The following CREG2 variants were observed in gnomAD, a reference collection of about 807,000 sequenced individuals.
CREG2 encodes the protein protein CREG2.
A neutral mutation model predicts 26.2 loss-of-function variants in CREG2; 24 were observed. That is an observed-to-expected ratio of 0.92 (90% confidence interval 0.66 to 1.29). The LOEUF is 1.29. Among genes scored for constraint, CREG2 ranks in the 50% most tolerant of loss-of-function variants. CREG2 has a pLI of 0.00. For missense variants in CREG2, 366 were observed against 398.6 expected (o/e 0.92, Z 0.70); for synonymous variants, 174 against 169.2 (o/e 1.03, Z -0.22).
chr2:101,362,512 G>A (rs914859460), intron 2 of CREG2, among the ~76,000 whole-genome samples: 2 of 152,164 alleles, frequency 1.3e-5, no homozygotes, highest in African/African-American at 4.8e-5. Flanking sequence ...CTTAGATGTG[G>A]TGGAGGCGTG....
chr2:101,377,147 A>AT (rs1008897361), intron 2 of CREG2, among the ~76,000 whole-genome samples: 2 of 151,998 alleles, frequency 1.3e-5, no homozygotes, highest in African/African-American at 4.8e-5. Context: ...ATAAATTGTT[A>AT]TTTTTTTCCC....
At chr2:101,351,130 C>T in intron 3 of CREG2, 60 bp from the exon 4 acceptor site, 1 of 1,553,300 alleles carries the variant, frequency 6.4e-7, no homozygotes, top group Non-Finnish European at 8.7e-7. Context: ...GCACCCTGGG[C>T]CAAGTCATAG....
At chr2:101,359,308 G>C (rs562659954) in intron 2 of CREG2, among the ~76,000 whole-genome samples, 16 of 152,196 alleles carry the variant, frequency 1.1e-4, no homozygotes, top group Non-Finnish European at 1.9e-4. Flanking sequence ...GCAGTGGCCT[G>C]CCAGCTCTTG....
chr2:101,357,209 G>C (rs1017500753), intron 2 of CREG2, among the ~76,000 whole-genome samples: 1 of 151,794 alleles, frequency 6.6e-6, no homozygotes, highest in Non-Finnish European at 1.5e-5. Context: ...TTTTAATAGA[G>C]ATGGGGTTTC....
intron 2 of CREG2, among the ~76,000 whole-genome samples, chr2:101,358,494 T>C (rs1413295206): frequency 6.6e-6 from 1 of 152,206 alleles, no homozygotes; most frequent in Non-Finnish European, 1.5e-5. Flanking sequence ...GCCTGTTGCA[T>C]AGAATTGTTT....
At chr2:101,383,198 C>T (rs1333018116) in intron 2 of CREG2, 1 of 353,590 alleles carries the variant, frequency 2.8e-6, no homozygotes, top group East Asian at 8.7e-5. Flanking sequence ...CCCACCCTCG[C>T]CCTTTTCCAT....
At chr2:101,378,402 G>A (rs569174072) in intron 2 of CREG2, among the ~76,000 whole-genome samples, 13 of 152,270 alleles carry the variant, frequency 8.5e-5, no homozygotes, top group Admixed American at 7.2e-4. Context: ...CCCCTAAGAG[G>A]TCCTAGGGGA....
rs4539813 is a variant in CREG2, at chr2:101,348,905, G to A, written c.*2018C>T. 131,807 of 152,268 alleles carry A rather than the reference G, an allele frequency of 0.87. 57,194 individuals carry two copies. Among genetic ancestry groups the A allele is most frequent in the East Asian group, 1 (5,185 of 5,190 alleles). The allele number at this position is 152,268 out of a possible 1,614,324, so 9.4% of individuals were successfully genotyped here. On this transcript the variant is annotated 3_prime_UTR_variant, in exon 4 of 4. Transcript: ENST00000324768. ...AATGGAGACCATCAAACTTAAAACTGTGAATTTTCAACACTATTCTTACCC... is the reference window on the plus strand; with the variant it reads ...AATGGAGACCATCAAACTTAAAACTATGAATTTTCAACACTATTCTTACCC...
chr2:101,357,671 A>G (rs531940912), intron 2 of CREG2, among the ~76,000 whole-genome samples: 3 of 152,126 alleles, frequency 2.0e-5, no homozygotes, highest in African/African-American at 7.2e-5. Context: ...ACATTTGTAC[A>G]TCACCTCATT....
chr2:101,377,025 G>C (rs1413259537), intron 2 of CREG2, among the ~76,000 whole-genome samples: 1 of 151,980 alleles, frequency 6.6e-6, no homozygotes, highest in Non-Finnish European at 1.5e-5. Flanking sequence ...TAAAGATTAG[G>C]CCCCCCCTTG....
At chr2:101,384,319 A>C (rs550769053) in intron 1 of CREG2, among the ~76,000 whole-genome samples, 7 of 152,212 alleles carry the variant, frequency 4.6e-5, no homozygotes, top group African/African-American at 1.2e-4. Flanking sequence ...CCCTTTTTGC[A>C]TAAAGGAAGT....
chr2:101,379,256 A>G (rs1684835259), intron 2 of CREG2, among the ~76,000 whole-genome samples: 3 of 152,196 alleles, frequency 2.0e-5, no homozygotes, highest in Non-Finnish European at 4.4e-5. Flanking sequence ...GGCAATGAAA[A>G]TATCTGGAAA....
At chr2:101,385,186 A>G (rs1684947072) in intron 1 of CREG2, among the ~76,000 whole-genome samples, 1 of 152,002 alleles carries the variant, frequency 6.6e-6, no homozygotes. Context: ...TATTAGTATT[A>G]TTATTTTTTT....
chr2:101,355,206 T>G, intron 3 of CREG2, 47 bp downstream of exon 3: 1 of 1,207,238 alleles, frequency 8.3e-7, no homozygotes, highest in South Asian at 1.2e-5. Context: ...CTCTGCTTAT[T>G]AGTATTGTGT....
At chr2:101,374,067 C>T (rs929169430) in intron 2 of CREG2, among the ~76,000 whole-genome samples, 4 of 152,152 alleles carry the variant, frequency 2.6e-5, no homozygotes, top group African/African-American at 9.7e-5. Context: ...GGTTTCACCC[C>T]ATCGACTCAA....
At chr2:101,364,208 A>T (rs184364200) in intron 2 of CREG2, among the ~76,000 whole-genome samples, 21 of 152,322 alleles carry the variant, frequency 1.4e-4, no homozygotes, top group Admixed American at 1.4e-3. Context: ...ATCCAGCCAG[A>T]TAGTAACAGA....
intron 2 of CREG2, among the ~76,000 whole-genome samples, chr2:101,368,616 A>G (rs1684654326): frequency 6.6e-6 from 1 of 152,210 alleles, no homozygotes; most frequent in African/African-American, 2.4e-5. Context: ...GAATCCTGAG[A>G]GTCAATGAAG....
At chr2:101,355,859 T>C (rs1313569376) in intron 2 of CREG2, among the ~76,000 whole-genome samples, 1 of 152,110 alleles carries the variant, frequency 6.6e-6, no homozygotes, top group Admixed American at 6.6e-5. Context: ...AGAGGGCATG[T>C]ATTACAAACA....
intron 2 of CREG2, among the ~76,000 whole-genome samples, chr2:101,358,238 T>C (rs1212738701): frequency 6.6e-6 from 1 of 152,018 alleles, no homozygotes; most frequent in Non-Finnish European, 1.5e-5. Flanking sequence ...GTGATCCACC[T>C]GCCTTGGCCT....
Sources: allele counts gnomAD v4.1 joint callset (sites outside exome capture counted in the v4.1 genomes callset), GRCh38; gene constraint gnomAD v4.1.1; transcripts MANE v1.5; gene names NCBI Gene and HGNC (gene_info 2026-07-23, HGNC 2026-07-21).